Variants in UGT8 observed in about 807,000 individuals in gnomAD.
The protein encoded by UGT8 is UDP glycosyltransferase 8.
A neutral mutation model predicts 40.5 loss-of-function variants in UGT8; 12 were observed. That is an observed-to-expected ratio of 0.30 (90% CI 0.19 to 0.48). The LOEUF is 0.48. Among genes scored for constraint, UGT8 ranks in the 20% least tolerant of loss-of-function variants. The pLI is 0.99. For missense variants in UGT8, 513 were observed against 648.7 expected (o/e 0.79, Z 2.27); for synonymous variants, 224 against 240.4 (o/e 0.93, Z 0.63).
Position 114,622,944 on chromosome 4 carries a change from A to C in UGT8, c.64A>C (p.Lys22Gln). The C allele has an allele frequency of 6.2e-7, 1 of 1,614,108 alleles. No homozygotes were observed. Among genetic ancestry groups the C allele is most frequent in the African/African-American group, 1.3e-5 (1 of 75,042 alleles). The change falls in exon 2 of 6, where the codon AAA becomes CAA. Residue 22 changes from lysine (K) to glutamine (Q), a missense_variant. Lys to Gln is a moderately conservative substitution (Grantham distance 53). Transcript: ENST00000310836. The stretch of plus-strand genomic sequence containing the variant: ...TGCTGTTGGGATAGCGAAGGCTGCC[A>C]AAATCATCATCGTGCCGCCAATTAT... The part of the protein sequence containing the change: ...WSAVGIAKAA[K>Q]IIIVPPIMFE...
chr4:114,675,478 C>T (rs574486653), intron 5 of UGT8, among the ~76,000 whole-genome samples: 7 of 152,132 alleles, frequency 4.6e-5, no homozygotes, highest in East Asian at 3.9e-4. Flanking sequence ...CGGTGGCTCA[C>T]GCCTGTAATC....
intron 1 of UGT8, among the ~76,000 whole-genome samples, chr4:114,605,024 T>G (rs980216888): frequency 6.6e-6 from 1 of 152,166 alleles, no homozygotes; most frequent in African/African-American, 2.4e-5. Context: ...AGTTCCATGT[T>G]GTATATTCAC....
chr4:114,624,069 GC>G (rs1458990510), intron 2 of UGT8, among the ~76,000 whole-genome samples: 7 of 152,128 alleles, frequency 4.6e-5, no homozygotes, highest in Admixed American at 2.0e-4. Context: ...CCTCTGTTCT[GC>G]CCCAAATAGC....
intron 2 of UGT8, among the ~76,000 whole-genome samples, chr4:114,631,343 G>T (rs900828373): frequency 6.6e-6 from 1 of 152,010 alleles, no homozygotes; most frequent in Non-Finnish European, 1.5e-5. Context: ...AATTAGCAGG[G>T]CGTTGTTGTG....
chr4:114,662,609 C>A (rs534762963), intron 2 of UGT8, among the ~76,000 whole-genome samples: 1 of 152,034 alleles, frequency 6.6e-6, no homozygotes, highest in African/African-American at 2.4e-5. Flanking sequence ...TCATCAGTCT[C>A]GGTCATGCAG....
rs1466648826 is a variant in UGT8, at chr4:114,677,288, C to G, written c.*1000C>G. On this transcript the variant is annotated 3_prime_UTR_variant, in exon 6 of 6. Transcript: ENST00000310836. ...TTCCAAAGTTTAACTTTTAAAAAAC[C>G]ATCTTCTGATCCCTTTTATTGTCTG... The G allele has an allele frequency of 6.6e-6, 1 of 152,084 alleles. No individual in the cohort carries two copies. The allele number at this position is 152,084 out of a possible 1,614,324, so 9.4% of individuals were successfully genotyped here.
intron 2 of UGT8, 27 bp from the exon 3 acceptor site, chr4:114,663,968 A>C: frequency 6.2e-7 from 1 of 1,612,618 alleles, no homozygotes; most frequent in Non-Finnish European, 8.5e-7. Context: ...GTCTTCGTAA[A>C]ACTTACTGCC....
chr4:114,674,823 G>T (rs901267219), intron 5 of UGT8, among the ~76,000 whole-genome samples: 1 of 152,200 alleles, frequency 6.6e-6, no homozygotes, highest in Admixed American at 6.5e-5. Flanking sequence ...ATCTCTTGAG[G>T]TGGAAATTAT....
chr4:114,646,385 C>A (rs929646586), intron 2 of UGT8, among the ~76,000 whole-genome samples: 29 of 151,072 alleles, frequency 1.9e-4, no homozygotes, highest in African/African-American at 5.6e-4. Context: ...ATATCTATAT[C>A]TATATATATA....
At chr4:114,613,392 T>C (rs1731206477) in intron 1 of UGT8, among the ~76,000 whole-genome samples, 1 of 152,124 alleles carries the variant, frequency 6.6e-6, no homozygotes, top group African/African-American at 2.4e-5. Flanking sequence ...TAAGTAATAA[T>C]GGGGAAGTTG....
rs1388928232 is a variant in UGT8 at position 114,676,625 on chromosome 4, TAATG to T, written c.*338_*341del. ...TCAGGAATGGTTTCATTTTTCTTAA[TAATG>T]TGTGTGTGTGTATGTGTGTGTGTGT... On this transcript the variant is annotated 3_prime_UTR_variant, in exon 6 of 6. Coordinates refer to ENST00000310836, the MANE Select transcript of UGT8 (RefSeq NM_001128174.3). The T allele has an allele frequency of 1.7e-5, 4 of 230,138 alleles. No individual in the cohort carries two copies. Among genetic ancestry groups the T allele is most frequent in the East Asian group, 2.2e-4 (2 of 9,178 alleles). The allele number at this position is 230,138 out of a possible 1,614,324, so 14.3% of individuals were successfully genotyped here.
At chr4:114,668,359 C>A in intron 5 of UGT8, 55 bp downstream of exon 5, 1 of 1,399,064 alleles carries the variant, frequency 7.1e-7, no homozygotes, top group Non-Finnish European at 1.0e-6. Flanking sequence ...AGTATATTGT[C>A]AGTAGCCAAT....
chr4:114,662,588 C>T (rs1578462629), intron 2 of UGT8, among the ~76,000 whole-genome samples: 1 of 152,088 alleles, frequency 6.6e-6, no homozygotes, highest in African/African-American at 2.4e-5. Context: ...GAAGGATGTA[C>T]CTCCTTTCTG....
intron 2 of UGT8, among the ~76,000 whole-genome samples, chr4:114,657,734 A>T (rs1356281554): frequency 1.3e-5 from 2 of 152,034 alleles, no homozygotes; most frequent in East Asian, 3.9e-4. Context: ...TCAGTCCATA[A>T]TCTGTGTATT....
intron 5 of UGT8, among the ~76,000 whole-genome samples, chr4:114,669,759 A>G (rs1735117427): frequency 6.6e-6 from 1 of 152,216 alleles, no homozygotes; most frequent in African/African-American, 2.4e-5. Flanking sequence ...ATCATTCCCA[A>G]AAGTATGCAC....
Position 114,662,005 on chromosome 4 carries a change from C to T in UGT8, c.823-1990C>T, listed in dbSNP as rs144743549. On this transcript the variant is annotated intron_variant, in intron 2 of 5. Coordinates refer to ENST00000310836, the MANE Select transcript of UGT8 (RefSeq NM_001128174.3). ...TTCTGCTCTTGTTTATTTCAATCTA[C>T]GGATAACATTTAAATTTTCAGCATC... Among the ~76,000 whole-genome samples the T allele has an allele frequency of 6.1e-3, 934 of 152,188 alleles. 10 individuals are homozygous for T. The highest frequency in any genetic ancestry group is 0.021 in the African/African-American group (887 of 41,506).
chr4:114,611,431 T>TATAC (rs1553931502), intron 1 of UGT8, among the ~76,000 whole-genome samples: 1 of 52,176 alleles, frequency 1.9e-5, no homozygotes, highest in Admixed American at 2.3e-4. Context: ...TATATATATA[T>TATAC]ATATATATAT....
chr4:114,621,889 A>G (rs970582412), intron 1 of UGT8, among the ~76,000 whole-genome samples: 1 of 152,188 alleles, frequency 6.6e-6, no homozygotes, highest in African/African-American at 2.4e-5. Context: ...ATTAGAACAA[A>G]TATCAGGATA....
chr4:114,628,331 G>A (rs1488331242), intron 2 of UGT8, among the ~76,000 whole-genome samples: 1 of 151,878 alleles, frequency 6.6e-6, no homozygotes, highest in African/African-American at 2.4e-5. Context: ...GTAGAGACAG[G>A]GTTTCGATAT....
Sources: allele counts gnomAD v4.1 joint callset (sites outside exome capture counted in the v4.1 genomes callset), GRCh38; gene constraint gnomAD v4.1.1; transcripts MANE v1.5; gene names NCBI Gene and HGNC (gene_info 2026-07-23, HGNC 2026-07-21).